SEZ6L: variants seen among roughly 807,000 people sequenced by gnomAD.
SEZ6L encodes seizure related 6 homolog like.
SEZ6L carries 37 observed loss-of-function variants against 106.2 expected under a neutral mutation model. The observed-to-expected ratio is 0.35, with a 90% confidence interval of 0.27 to 0.46. The LOEUF (loss-of-function observed/expected upper bound fraction) is 0.46. Among genes scored for constraint, SEZ6L ranks in the 20% least tolerant of loss-of-function variants. The pLI, the probability that SEZ6L is intolerant of heterozygous loss-of-function variation, is 1.00. For synonymous variants in SEZ6L, 541 were observed against 570.4 expected, an observed-to-expected ratio of 0.95 and a Z score of 0.73; for missense variants, 1,172 against 1,332.8, an observed-to-expected ratio of 0.88 and a Z score of 1.88.
chr22:26,350,277 G>T (rs1381978858), intron 11 of SEZ6L, among the ~76,000 whole-genome samples: 1 of 151,550 alleles, frequency 6.6e-6, no homozygotes, highest in East Asian at 1.9e-4. Flanking sequence ...GCCCAGGCTG[G>T]AGTGCAGTGG....
chr22:26,294,190 C>A, intron 2 of SEZ6L, 102 bp from the exon 3 acceptor site: 1 of 1,131,062 alleles, frequency 8.8e-7, no homozygotes, highest in Non-Finnish European at 1.3e-6. Context: ...ATGGGAACAG[C>A]AAAATGCAGG....
intron 1 of SEZ6L, among the ~76,000 whole-genome samples, chr22:26,241,667 G>A (rs1389665271): frequency 6.6e-6 from 1 of 152,156 alleles, no homozygotes; most frequent in Non-Finnish European, 1.5e-5. Context: ...GAAGAAGGCA[G>A]GAGGAGAAAG....
chr22:26,211,165 G>A (rs529126256), intron 1 of SEZ6L, among the ~76,000 whole-genome samples: 1 of 152,296 alleles, frequency 6.6e-6, no homozygotes, highest in South Asian at 2.1e-4. Context: ...AGAGCTCTGG[G>A]AGCCAACCGG....
At chr22:26,193,109 A>G (rs1940345380) in intron 1 of SEZ6L, among the ~76,000 whole-genome samples, 2 of 152,208 alleles carry the variant, frequency 1.3e-5, no homozygotes, top group Non-Finnish European at 2.9e-5. Flanking sequence ...TTTTTCCTAT[A>G]TAAAAAGAGG....
chr22:26,177,942 G>A (rs2123769200), intron 1 of SEZ6L, among the ~76,000 whole-genome samples: 1 of 152,230 alleles, frequency 6.6e-6, no homozygotes, highest in African/African-American at 2.4e-5. Flanking sequence ...ACTGTGAGTG[G>A]CAGAGCCAGG....
intron 1 of SEZ6L, among the ~76,000 whole-genome samples, chr22:26,277,973 G>T (rs929693171): frequency 3.3e-5 from 5 of 152,216 alleles, no homozygotes; most frequent in African/African-American, 1.2e-4. Context: ...CTATGAAAAT[G>T]CTGGGTATCT....
chr22:26,367,564 C>G (rs1420055021), intron 13 of SEZ6L, among the ~76,000 whole-genome samples: 1 of 151,988 alleles, frequency 6.6e-6, no homozygotes, highest in Non-Finnish European at 1.5e-5. Flanking sequence ...AGGCTGGTCT[C>G]TACTCCTGGC....
rs573350246 is a variant in SEZ6L, at chr22:26,275,157, G to A, written c.95-17249G>A. On this transcript the variant is annotated intron_variant, in intron 1 of 16. Transcript: ENST00000248933. ...TGAGTTAATCCTTTACTGCACAGCA[G>A]TATACAGATGGTCCCCAACTTACGA... is the stretch of plus-strand genomic sequence containing the variant. Among the ~76,000 whole-genome samples, 4 of 152,312 alleles carry A rather than the reference G, an allele frequency of 2.6e-5. No homozygotes were observed. The East Asian group carries it at 5.8e-4, about 22-fold the overall frequency.
At position 26,383,357 on chromosome 22, in the gene SEZ6L, G is replaced by A. The variant is rs2084469971; in HGVS notation, c.*3062G>A. The A allele has an allele frequency of 1.3e-5, 2 of 151,976 alleles. No individual in the cohort carries two copies. The highest frequency in any genetic ancestry group is 2.4e-5 in the African/African-American group (1 of 41,382). The allele number at this position is 151,976 out of a possible 1,614,324, so 9.4% of individuals were successfully genotyped here. ...CGGGCCTCAGGCAAAAATGCCCTTC[G>A]AGTGAATCCGAAGGGCATGATCTTC... On this transcript the variant is annotated 3_prime_UTR_variant, in exon 17 of 17. Transcript: ENST00000248933.
intron 1 of SEZ6L, among the ~76,000 whole-genome samples, chr22:26,222,349 A>C (rs1463632610): frequency 6.6e-6 from 1 of 152,220 alleles, no homozygotes; most frequent in Non-Finnish European, 1.5e-5. Flanking sequence ...GGCTTATGCA[A>C]GGTCACACTG....
intron 1 of SEZ6L, among the ~76,000 whole-genome samples, chr22:26,212,085 TA>T (rs1181211219): frequency 1.3e-5 from 2 of 152,102 alleles, no homozygotes. Context: ...AAGGACAGAC[TA>T]TTCCAAAGAG....
intron 10 of SEZ6L, among the ~76,000 whole-genome samples, chr22:26,344,731 G>A (rs757842357): frequency 5.9e-5 from 9 of 152,108 alleles, no homozygotes; most frequent in Non-Finnish European, 1.0e-4. Flanking sequence ...ACAAACAAAC[G>A]AATCCATCTA....
At chr22:26,287,396 C>T (rs1211835156) in intron 1 of SEZ6L, among the ~76,000 whole-genome samples, 1 of 152,138 alleles carries the variant, frequency 6.6e-6, no homozygotes, top group Non-Finnish European at 1.5e-5. Flanking sequence ...ACACCCAACA[C>T]TTTGATTGAT....
At position 26,177,709 on chromosome 22, in the gene SEZ6L, G is replaced by A. The variant is rs553497178; in HGVS notation, c.94+7946G>A. ...CACTTTGTCACCTTGAGCTGGCACC[G>A]GGCCTTGCATAGGAGTGAGGGTCTA... On this transcript the variant is annotated intron_variant, in intron 1 of 16. Transcript: ENST00000248933. Among the ~76,000 whole-genome samples the A allele has an allele frequency of 3.9e-5, 6 of 152,222 alleles. No homozygotes were observed. In the East Asian group the frequency reaches 7.7e-4, roughly 20 times the overall value.
At chr22:26,240,341 A>G (rs533384668) in intron 1 of SEZ6L, among the ~76,000 whole-genome samples, 42 of 152,200 alleles carry the variant, frequency 2.8e-4, no homozygotes, top group Non-Finnish European at 5.1e-4. Flanking sequence ...CCAAGTCCTG[A>G]AAAGAGGACT....
chr22:26,321,618 C>T (rs536229391), intron 9 of SEZ6L, among the ~76,000 whole-genome samples: 16 of 152,234 alleles, frequency 1.1e-4, no homozygotes, highest in Non-Finnish European at 1.8e-4. Context: ...GCCAGGGTTA[C>T]GTGAGGCCCA....
At chr22:26,225,929 A>G (rs2078622003) in intron 1 of SEZ6L, among the ~76,000 whole-genome samples, 1 of 152,206 alleles carries the variant, frequency 6.6e-6, no homozygotes, top group Non-Finnish European at 1.5e-5. Context: ...CACCATATCT[A>G]TGGTTGAGCA....
chr22:26,311,841 C>G lies in SEZ6L; in HGVS notation c.1755C>G (p.Asn585Lys), dbSNP rs1351917675. The G allele has an allele frequency of 6.2e-7, 1 of 1,614,204 alleles. No individual in the cohort carries two copies. Among genetic ancestry groups the G allele is most frequent in the Non-Finnish European group, 8.5e-7 (1 of 1,180,034 alleles). The change falls in exon 8 of 17, where the codon AAC (asparagine) becomes AAG (lysine). Residue 585 changes from asparagine to lysine, a missense_variant. Asn to Lys is a moderately conservative substitution (Grantham distance 94). This residue lies in a region of SEZ6L where 534 missense variants were observed against 691.0 expected (regional missense o/e 0.77). Coordinates refer to ENST00000248933, the MANE Select transcript of SEZ6L (RefSeq NM_021115.5). ...TCACTACATCCGACCCGACCTATAA[C>G]ATTGGGACTATAGTGGAGTTCACCT... Reference protein sequence around the residue: ...GNFTTSDPTYNIGTIVEFTCD... With the variant: ...GNFTTSDPTYKIGTIVEFTCD...
At chr22:26,337,722 G>A (rs1473972380) in intron 9 of SEZ6L, among the ~76,000 whole-genome samples, 1 of 152,074 alleles carries the variant, frequency 6.6e-6, no homozygotes, top group East Asian at 1.9e-4. Context: ...GGAGTCTGGG[G>A]ATTTTGTCTT....
Sources: gnomAD v4.1 joint callset for allele counts (sites outside exome capture counted in the v4.1 genomes callset) on GRCh38, gnomAD v4.1.1 for gene constraint, gnomAD v4.1.1 regional missense constraint, MANE v1.5 for transcripts, NCBI Gene and HGNC (gene_info 2026-07-23, HGNC 2026-07-21) for gene names.